The following POLG variants were observed in gnomAD, a reference collection of about 807,000 sequenced individuals.
The protein encoded by POLG is DNA polymerase gamma, catalytic subunit.
In POLG, 110 loss-of-function variants were observed where a neutral mutation model predicts 155.4. The observed-to-expected ratio is 0.71, with a 90% CI of 0.61 to 0.83. The LOEUF is 0.83. Among genes scored for constraint, POLG ranks in the 40% least tolerant of loss-of-function variants. The probability of loss-of-function intolerance (pLI) is 0.00; values close to 1 mark genes in which losing one functional copy is unlikely to be tolerated. For missense variants in POLG, 1,685 were observed against 1,627.5 expected (o/e 1.04, Z -0.61); for synonymous variants, 701 against 631.5 (o/e 1.11, Z -1.65).
chr15:89,319,224 T>G lies in POLG; in HGVS notation c.3104+4A>C, dbSNP rs1462270251. On this transcript the variant is annotated splice_donor_region_variant and intron_variant, in intron 19 of 22. Transcript: ENST00000268124. ...TCCATCCTTAACACAAAGAAGGTTC[T>G]TACTTCCTTGCAGTTTCTCTCTGGA... The G allele has an allele frequency of 1.9e-6, 3 of 1,614,066 alleles. No homozygotes were observed. The East Asian group carries it at 6.7e-5, about 36-fold the overall frequency.
At chr15:89,317,198 G>GAAAC in intron 22 of POLG, 178 bp downstream of exon 22, 2 of 640,296 alleles carry the variant, frequency 3.1e-6, no homozygotes, top group East Asian at 2.7e-5. Flanking sequence ...CTTCATTTCT[G>GAAAC]AAACATCATA....
At chr15:89,317,754 A>T (rs1019356380) in intron 21 of POLG, 1 of 565,946 alleles carries the variant, frequency 1.8e-6, no homozygotes, top group Non-Finnish European at 3.1e-6. Flanking sequence ...TATGGACTCA[A>T]CATACTTTTT....
chr15:89,322,950 T>A, intron 13 of POLG, 48 bp from the exon 14 acceptor site: 1 of 1,595,908 alleles, frequency 6.3e-7, no homozygotes, highest in Non-Finnish European at 8.6e-7. Flanking sequence ...GGCAGACCCC[T>A]GGGTGGGGAA....
chr15:89,318,282 C>G (rs1040693147), intron 21 of POLG, among the ~76,000 whole-genome samples: 5 of 152,196 alleles, frequency 3.3e-5, no homozygotes, highest in Admixed American at 1.3e-4. Context: ...CGGAACAATT[C>G]CCCTAACCTC....
chr15:89,318,257 G>T (rs552296669), intron 21 of POLG, among the ~76,000 whole-genome samples: 1 of 152,164 alleles, frequency 6.6e-6, no homozygotes, highest in Admixed American at 6.5e-5. Flanking sequence ...ATAGAAAAGC[G>T]TGAGTACCAC....
In POLG at chr15:89,325,037, A is replaced by AGAGTGAGTGAGTGAGTGAGT. The variant is rs71824331; in HGVS notation, c.1949+412_1949+413insACTCACTCACTCACTCACTC. On this transcript the variant is annotated intron_variant, in intron 10 of 22. Transcript: ENST00000268124. ...CATGGAAGAAAAAACCTGAACCCAG[A>AGAGTGAGTGAGTGAGTGAGT]GAGTGAGTGAGTGAGTGAGAGAGTG... 1.7e-4 allele frequency among the ~76,000 whole-genome samples: 12 copies of AGAGTGAGTGAGTGAGTGAGT among 70,858 alleles called. 4 individuals are homozygous for AGAGTGAGTGAGTGAGTGAGT. Among genetic ancestry groups the AGAGTGAGTGAGTGAGTGAGT allele is most frequent in the African/African-American group, 6.1e-4 (11 of 18,060 alleles). 46.5% of individuals were successfully genotyped at this position (70,858 alleles called of 152,430 possible).
At chr15:89,317,918 T>C (rs2055326054) in intron 21 of POLG, 2 of 338,714 alleles carry the variant, frequency 5.9e-6, no homozygotes, top group African/African-American at 2.1e-5. Context: ...ATGTTGAATA[T>C]TGTAAACATC....
intron 9 of POLG, among the ~76,000 whole-genome samples, chr15:89,326,237 CCTT>C (rs1009736805): frequency 2.6e-5 from 4 of 152,216 alleles, no homozygotes; most frequent in African/African-American, 9.7e-5. Context: ...CTCAAGGAAG[CCTT>C]CTTGATTTAT....
In POLG at chr15:89,325,243, TGAGTGAGA is replaced by T. The variant is rs1181062671; in HGVS notation, c.1949+199_1949+206del. On this transcript the variant is annotated intron_variant, in intron 10 of 22. Transcript: ENST00000268124. ...GTGAGAGAGTGAGTGAGAGAGTGAG[TGAGTGAGA>T]GAGAGAGTGAGTGAGTGAGTGAGAG... 5.8e-4 allele frequency among the ~76,000 whole-genome samples: 46 copies of T among 79,362 alleles called. 10 individuals are homozygous for T. Among genetic ancestry groups the T allele is most frequent in the Middle Eastern group, 6.5e-3 (1 of 154 alleles). 52.1% of individuals were successfully genotyped at this position (79,362 alleles called of 152,430 possible). A position where few individuals can be genotyped will look rare whatever the true frequency, so the allele number is the denominator to read the frequency against.
chr15:89,322,755 G>A lies in POLG; in HGVS notation c.2413C>T (p.His805Tyr). Residue 805 changes from histidine to tyrosine, a missense_variant, in exon 14 of 23, where the codon CAT becomes TAT. Coordinates refer to ENST00000268124, the MANE Select transcript of POLG (RefSeq NM_002693.3). Reference protein sequence around the residue: ...NKMISFWRNAHKRISSQMVVW... With the variant: ...NKMISFWRNAYKRISSQMVVW... ...ATGGTGGCCCACCTGATACGTTTAT[G>A]GGCGTTCCTCCAGAAAGAAATCATT... 1 of 1,614,024 alleles carries A rather than the reference G, an allele frequency of 6.2e-7. No individual in the cohort carries two copies. The highest frequency in any genetic ancestry group is 1.3e-5 in the African/African-American group (1 of 75,038).
chr15:89,325,625 G>A lies in POLG; in HGVS notation c.1774C>T (p.Leu592Phe). The A allele has an allele frequency of 6.2e-7, 1 of 1,613,374 alleles. No individual in the cohort carries two copies. ...GGTGTGACCCGCATCTGCAGGCTGAGGAGGCTGGGGCCCGGGGTCCATGCA... is the reference window on the plus strand; with the variant it reads ...GGTGTGACCCGCATCTGCAGGCTGAAGAGGCTGGGGCCCGGGGTCCATGCA... Reference protein sequence around the residue: ...DPAWTPGPSLLSLQMRVTPKL... With the variant: ...DPAWTPGPSLFSLQMRVTPKL... The change falls in exon 10 of 23, where the codon CTC (leucine) becomes TTC (phenylalanine). Residue 592 changes from leucine to phenylalanine, a missense_variant. Coordinates refer to ENST00000268124, the MANE Select transcript of POLG (RefSeq NM_002693.3).
rs767713132 is a variant in POLG at position 89,325,247 on chromosome 15, TGAGAGAGA to T, written c.1949+195_1949+202del. 1.2e-3 allele frequency among the ~76,000 whole-genome samples: 88 copies of T among 73,570 alleles called. 19 individuals carry two copies. The highest frequency in any genetic ancestry group is 9.2e-3 in the African/African-American group (80 of 8,732). The allele number at this position is 73,570 out of a possible 152,430, so 48.3% of individuals were successfully genotyped here. A position where few individuals can be genotyped will look rare whatever the true frequency, so the allele number is the denominator to read the frequency against. ...GAGAGTGAGTGAGAGAGTGAGTGAG[TGAGAGAGA>T]GAGTGAGTGAGTGAGTGAGAGAGAG... On this transcript the variant is annotated intron_variant, in intron 10 of 22. Transcript: ENST00000268124.
chr15:89,325,129 AGAGAGTGAGTGAGAGAGTGAGT>A (rs2055473888), intron 10 of POLG, among the ~76,000 whole-genome samples: 1 of 69,336 alleles, frequency 1.4e-5, no homozygotes, highest in African/African-American at 5.4e-5. Flanking sequence ...TGAGTGAGTG[AGAGAGTGAGTGAGAGAGTGAGT>A]GAGTGAGTGA....
intron 10 of POLG, among the ~76,000 whole-genome samples, chr15:89,325,171 A>AGT (rs1417504443): frequency 1.7e-5 from 1 of 58,570 alleles, no homozygotes; most frequent in Non-Finnish European, 3.0e-5. Context: ...AGTGAGTGAG[A>AGT]GAGTGAGAGA....
At chr15:89,329,869 G>T (rs1309267098) in intron 3 of POLG, among the ~76,000 whole-genome samples, 1 of 152,202 alleles carries the variant, frequency 6.6e-6, no homozygotes, top group African/African-American at 2.4e-5. Flanking sequence ...TTATTACTTT[G>T]TGACAACTTA....
At position 89,319,310 on chromosome 15, in the gene POLG, A is replaced by G. The variant is rs753628186; in HGVS notation, c.3022T>C (p.Leu1008=). The G allele has an allele frequency of 6.2e-7, 1 of 1,613,586 alleles. No individual in the cohort carries two copies. Among genetic ancestry groups the G allele is most frequent in the African/African-American group, 1.3e-5 (1 of 74,792 alleles). The stretch of plus-strand genomic sequence containing the variant: ...TCAGTCCTGTCCACTGGGAGGTTCA[A>G]CTCCCTCACCAGCCACTCGCCCTCA... ...SDEGEWLVRE[L]NLPVDRTEGG... is the part of the protein sequence containing the mutation. The change falls in exon 19 of 23, where the codon TTG becomes CTG. Residue 1008 remains leucine, a synonymous_variant. Coordinates refer to ENST00000268124, the MANE Select transcript of POLG (RefSeq NM_002693.3).
chr15:89,325,205 AGAGAGTGAGTGAGT>A (rs2055486836), intron 10 of POLG, among the ~76,000 whole-genome samples: 1 of 69,282 alleles, frequency 1.4e-5, no homozygotes, highest in African/African-American at 6.0e-5. Flanking sequence ...AGAGTGAGTG[AGAGAGTGAGTGAGT>A]GAGAGAGTGA....
chr15:89,330,838 G>C (rs2055584942), intron 2 of POLG, among the ~76,000 whole-genome samples: 1 of 146,828 alleles, frequency 6.8e-6, no homozygotes, highest in South Asian at 2.3e-4. Context: ...CCTTGGAGAA[G>C]CAACCACCCT....
chr15:89,332,990 A>G, intron 2 of POLG, 106 bp downstream of exon 2: 1 of 1,421,054 alleles, frequency 7.0e-7, no homozygotes, highest in Non-Finnish European at 9.4e-7. Flanking sequence ...AGCGCTCCCT[A>G]CGTGAGCACC....
Sources: allele counts gnomAD v4.1 joint callset (sites outside exome capture counted in the v4.1 genomes callset), GRCh38; gene constraint gnomAD v4.1.1; transcripts MANE v1.5; gene names NCBI Gene and HGNC (gene_info 2026-07-23, HGNC 2026-07-21).